Variants in HIRA observed in about 807,000 individuals in gnomAD.
HIRA encodes protein HIRA.
A neutral mutation model predicts 126.6 loss-of-function variants in HIRA; 13 were observed. The ratio of observed to expected loss-of-function variants is 0.10; its 90% confidence interval spans 0.07 to 0.16. HIRA has a LOEUF of 0.16. HIRA is among the 10% of genes least tolerant of loss of function. HIRA has a pLI of 1.00. For synonymous variants in HIRA, 511 were observed against 520.0 expected, an observed-to-expected ratio of 0.98 and a Z score of 0.24; for missense variants, 834 against 1,314.4, an observed-to-expected ratio of 0.63 and a Z score of 5.65.
At chr22:19,355,008 A>G (rs2088797353) in intron 21 of HIRA, among the ~76,000 whole-genome samples, 1 of 152,112 alleles carries the variant, frequency 6.6e-6, no homozygotes, top group South Asian at 2.1e-4. Flanking sequence ...CATGGGATCA[A>G]GCAATCCTCT....
chr22:19,357,154 G>A (rs905929207), intron 18 of HIRA, 103 bp from the exon 19 acceptor site: 8 of 1,371,894 alleles, frequency 5.8e-6, no homozygotes, highest in African/African-American at 4.3e-5. Context: ...CCCAACAAGG[G>A]CCTCCCCTGA....
intron 15 of HIRA, among the ~76,000 whole-genome samples, chr22:19,371,915 G>C (rs2088969068): frequency 6.6e-6 from 1 of 152,188 alleles, no homozygotes; most frequent in African/African-American, 2.4e-5. Flanking sequence ...ATTATGTACA[G>C]ATGTGAACAT....
intron 24 of HIRA, among the ~76,000 whole-genome samples, chr22:19,337,302 G>GA (rs1417867168): frequency 4.0e-5 from 6 of 151,138 alleles, no homozygotes; most frequent in East Asian, 1.9e-4. Flanking sequence ...GTATCATAAA[G>GA]AAAAAATCAA....
chr22:19,410,665 G>T, intron 2 of HIRA, 51 bp downstream of exon 2: 2 of 1,355,794 alleles, frequency 1.5e-6, no homozygotes, highest in South Asian at 1.2e-5. Flanking sequence ...CAGGAGAAGA[G>T]CAAGGTGGCA....
At chr22:19,396,682 TC>T in intron 7 of HIRA, 104 bp downstream of exon 7, 1 of 1,183,508 alleles carries the variant, frequency 8.4e-7, no homozygotes, top group Non-Finnish European at 1.2e-6. Context: ...CTCTGTGCAT[TC>T]CCCAGGTGGC....
intron 1 of HIRA, among the ~76,000 whole-genome samples, chr22:19,415,620 C>G (rs1236705961): frequency 2.0e-5 from 3 of 152,062 alleles, no homozygotes; most frequent in Non-Finnish European, 4.4e-5. Context: ...GAAACCCTGT[C>G]TCTACTAAAA....
At chr22:19,395,388 C>T (rs2089214699) in intron 7 of HIRA, among the ~76,000 whole-genome samples, 1 of 152,160 alleles carries the variant, frequency 6.6e-6, no homozygotes, top group African/African-American at 2.4e-5. Flanking sequence ...AAGAGTACTA[C>T]CACCTCCTGC....
intron 1 of HIRA, among the ~76,000 whole-genome samples, chr22:19,429,085 G>A (rs1285445307): frequency 7.0e-6 from 1 of 143,056 alleles, no homozygotes; most frequent in Non-Finnish European, 1.5e-5. Flanking sequence ...ATTTAACAAA[G>A]AACAAGTTTA....
intron 11 of HIRA, among the ~76,000 whole-genome samples, chr22:19,386,620 TC>T (rs1432733507): frequency 2.0e-5 from 3 of 152,210 alleles, no homozygotes; most frequent in African/African-American, 7.2e-5. Flanking sequence ...CCTGAGTCTA[TC>T]CCCTGGAATC....
At chr22:19,353,580 G>A (rs1601811345) in intron 22 of HIRA, 61 bp from the exon 23 acceptor site, 3 of 1,485,098 alleles carry the variant, frequency 2.0e-6, no homozygotes, top group Non-Finnish European at 2.7e-6. Context: ...GTCAGGAACT[G>A]CCCCCGTGTG....
chr22:19,376,389 G>A (rs1465000591), intron 14 of HIRA, among the ~76,000 whole-genome samples: 2 of 152,090 alleles, frequency 1.3e-5, no homozygotes, highest in Non-Finnish European at 2.9e-5. Context: ...CATCCTTCAT[G>A]TCCAAGCCCA....
At chr22:19,341,226 A>G (rs1207067971) in intron 24 of HIRA, among the ~76,000 whole-genome samples, 1 of 152,120 alleles carries the variant, frequency 6.6e-6, no homozygotes, top group African/African-American at 2.4e-5. Flanking sequence ...TAAAATGGGC[A>G]GATCACTTGA....
chr22:19,387,103 CAG>C (rs949061916), intron 11 of HIRA, among the ~76,000 whole-genome samples: 1 of 152,134 alleles, frequency 6.6e-6, no homozygotes, highest in Non-Finnish European at 1.5e-5. Context: ...GGCAGAAGGG[CAG>C]AGAGACCCCA....
chr22:19,359,521 G>C lies in HIRA; in HGVS notation c.2086-37C>G, dbSNP rs748686457. On this transcript the variant is annotated intron_variant, in intron 17 of 24. Coordinates refer to ENST00000263208, the MANE Select transcript of HIRA (RefSeq NM_003325.4). ...AAACACACGGGTCTGCTCAGACAAG[G>C]GCCGCAGCCCAGGTGACATGCTCCA... 8 of 1,531,650 alleles carry C rather than the reference G, an allele frequency of 5.2e-6. No individual in the cohort carries two copies. The South Asian group carries it at 9.9e-5, about 19-fold the overall frequency. The allele number at this position is 1,531,650 out of a possible 1,614,324, so 94.9% of individuals were successfully genotyped here.
chr22:19,418,095 T>C (rs1205164025), intron 1 of HIRA, among the ~76,000 whole-genome samples: 1 of 151,818 alleles, frequency 6.6e-6, no homozygotes, highest in African/African-American at 2.4e-5. Flanking sequence ...GAGGGGAAAA[T>C]AGGGAGTTGT....
chr22:19,424,839 G>A (rs2089476736), intron 1 of HIRA, among the ~76,000 whole-genome samples: 1 of 152,120 alleles, frequency 6.6e-6, no homozygotes, highest in African/African-American at 2.4e-5. Flanking sequence ...TATATAACAA[G>A]TCCTGAGATA....
chr22:19,365,869 G>C (rs967388093), intron 15 of HIRA: 1 of 152,056 alleles, frequency 6.6e-6, no homozygotes, highest in Non-Finnish European at 1.5e-5. Context: ...CACTAAGTTT[G>C]GCATCAGTAT....
Position 19,331,429 on chromosome 22 carries a change from G to T in HIRA, c.*11C>A. 1 of 1,613,848 alleles carries T rather than the reference G, an allele frequency of 6.2e-7. No homozygotes were observed. ...CCTGCCCTTGCTGCAGCCAGGGCAG[G>T]CTGGGGCAGGCTACTTGTCCCTCAG... On this transcript the variant is annotated 3_prime_UTR_variant, in exon 25 of 25. Coordinates refer to ENST00000263208, the MANE Select transcript of HIRA (RefSeq NM_003325.4).
chr22:19,388,784 G>C (rs2089150627), intron 9 of HIRA, among the ~76,000 whole-genome samples: 1 of 152,230 alleles, frequency 6.6e-6, no homozygotes, highest in Non-Finnish European at 1.5e-5. Context: ...GCTTGCTGTG[G>C]TCTGACAGGG....
Sources: allele counts gnomAD v4.1 joint callset (sites outside exome capture counted in the v4.1 genomes callset), GRCh38; gene constraint gnomAD v4.1.1; transcripts MANE v1.5; gene names NCBI Gene and HGNC (gene_info 2026-07-23, HGNC 2026-07-21).